Variants in GRM1 observed in about 807,000 individuals in gnomAD.
The protein encoded by GRM1 is metabotropic glutamate receptor 1.
Under a neutral mutation model 90.9 loss-of-function variants are expected in GRM1, and 33 were observed. That is an observed-to-expected ratio of 0.36 (90% CI 0.28 to 0.49). The LOEUF (loss-of-function observed/expected upper bound fraction) is 0.49, where lower values mean the gene tolerates loss of function less well. Ranked by LOEUF, GRM1 falls within the 20% of genes least tolerant of loss-of-function variation. GRM1 has a pLI of 0.99. For synonymous variants in GRM1, 700 were observed against 613.2 expected (o/e 1.14, Z -2.09); for missense variants, 1,190 against 1,534.3 (o/e 0.78, Z 3.75).
chr6:146,412,344 G>A (rs1468252957), intron 7 of GRM1, among the ~76,000 whole-genome samples: 1 of 152,164 alleles, frequency 6.6e-6, no homozygotes, highest in Non-Finnish European at 1.5e-5. Flanking sequence ...ACAACAGCAA[G>A]ACCGAGAGCC....
chr6:146,211,759 T>C (rs1562531754), intron 2 of GRM1, among the ~76,000 whole-genome samples: 1 of 152,266 alleles, frequency 6.6e-6, no homozygotes, highest in Non-Finnish European at 1.5e-5. Flanking sequence ...TAATCTTTTT[T>C]CTAAATGTTA....
intron 1 of GRM1, among the ~76,000 whole-genome samples, chr6:146,133,302 G>C (rs1583049308): frequency 6.6e-6 from 1 of 152,148 alleles, no homozygotes; most frequent in Admixed American, 6.5e-5. Flanking sequence ...CAGAAATAAT[G>C]TCTCTTTTCT....
intron 2 of GRM1, among the ~76,000 whole-genome samples, chr6:146,291,339 T>C (rs1446148674): frequency 6.6e-6 from 1 of 151,256 alleles, no homozygotes; most frequent in Non-Finnish European, 1.5e-5. Context: ...TTGATAAATA[T>C]ATCTTTTTGA....
intron 2 of GRM1, among the ~76,000 whole-genome samples, chr6:146,192,988 T>C (rs1778981777): frequency 1.3e-5 from 2 of 152,118 alleles, no homozygotes; most frequent in South Asian, 4.1e-4. Context: ...ATAGAGTTCA[T>C]GGTAGAGGCA....
intron 7 of GRM1, among the ~76,000 whole-genome samples, chr6:146,402,980 A>G (rs899949360): frequency 6.6e-6 from 1 of 152,140 alleles, no homozygotes; most frequent in Admixed American, 6.6e-5. Flanking sequence ...CTGGGAGATC[A>G]GCTGAAGTTA....
intron 3 of GRM1, among the ~76,000 whole-genome samples, chr6:146,312,349 CAAAAA>C (rs1166008558): frequency 4.7e-5 from 1 of 21,338 alleles, no homozygotes; most frequent in South Asian, 3.6e-3. Context: ...AACTCCGTCT[CAAAAA>C]AAAAAAAAAA....
intron 1 of GRM1, among the ~76,000 whole-genome samples, chr6:146,104,846 C>A (rs371376251): frequency 3.5e-4 from 53 of 152,310 alleles, no homozygotes; most frequent in African/African-American, 1.1e-3. Context: ...AAAGTTAGAT[C>A]TTCTACAAAG....
chr6:146,243,387 T>G (rs1279286297), intron 2 of GRM1, among the ~76,000 whole-genome samples: 1 of 151,988 alleles, frequency 6.6e-6, no homozygotes, highest in Non-Finnish European at 1.5e-5. Flanking sequence ...ACCAGAGGAG[T>G]AACAGAATCC....
At chr6:146,147,438 A>G (rs1777155881) in intron 1 of GRM1, among the ~76,000 whole-genome samples, 1 of 152,220 alleles carries the variant, frequency 6.6e-6, no homozygotes, top group Non-Finnish European at 1.5e-5. Context: ...TAATTAAGAC[A>G]TAAGGTCTCC....
At chr6:146,293,012 G>T (rs1783043092) in intron 2 of GRM1, among the ~76,000 whole-genome samples, 1 of 151,908 alleles carries the variant, frequency 6.6e-6, no homozygotes, top group Non-Finnish European at 1.5e-5. Flanking sequence ...AAAGAAGCTG[G>T]ATGCAAAAGT....
At chr6:146,123,531 T>G (rs1776083925) in intron 1 of GRM1, among the ~76,000 whole-genome samples, 1 of 152,224 alleles carries the variant, frequency 6.6e-6, no homozygotes, top group Non-Finnish European at 1.5e-5. Context: ...TTTTCTATGG[T>G]AGAGTCTCCA....
chr6:146,241,999 G>A (rs925824407), intron 2 of GRM1, among the ~76,000 whole-genome samples: 2 of 152,058 alleles, frequency 1.3e-5, no homozygotes, highest in African/African-American at 4.8e-5. Context: ...AATATCAAAA[G>A]GACACAAGGA....
chr6:146,233,982 A>G (rs950948508), intron 2 of GRM1, among the ~76,000 whole-genome samples: 1 of 152,078 alleles, frequency 6.6e-6, no homozygotes, highest in African/African-American at 2.4e-5. Context: ...AGGTTCTATT[A>G]TTAGATCCAT....
At chr6:146,075,123 C>A (rs1041381718) in intron 1 of GRM1, among the ~76,000 whole-genome samples, 2 of 151,924 alleles carry the variant, frequency 1.3e-5, no homozygotes, top group African/African-American at 4.8e-5. Context: ...AGTGTTCCAT[C>A]AAAAAGAATT....
chr6:146,087,395 T>TA (rs1447267543), intron 1 of GRM1, among the ~76,000 whole-genome samples: 1 of 152,110 alleles, frequency 6.6e-6, no homozygotes. Flanking sequence ...TTGGCGTTGG[T>TA]AAAATCCATA....
chr6:146,306,920 T>C (rs1259970472), intron 3 of GRM1, among the ~76,000 whole-genome samples: 1 of 152,180 alleles, frequency 6.6e-6, no homozygotes, highest in Non-Finnish European at 1.5e-5. Context: ...AAGAGGCTGA[T>C]TTTGGATAAA....
intron 3 of GRM1, among the ~76,000 whole-genome samples, chr6:146,315,774 T>C (rs1050802473): frequency 2.6e-5 from 4 of 152,206 alleles, no homozygotes; most frequent in African/African-American, 9.6e-5. Flanking sequence ...GAGAGCCTGC[T>C]AAGGTTTTGG....
intron 2 of GRM1, among the ~76,000 whole-genome samples, chr6:146,251,587 G>A (rs1353767177): frequency 2.0e-5 from 3 of 152,220 alleles, no homozygotes; most frequent in Admixed American, 6.5e-5. Context: ...AGCAGATGCT[G>A]TGTTTCACAG....
intron 1 of GRM1, among the ~76,000 whole-genome samples, chr6:146,087,592 T>C (rs1417767890): frequency 6.6e-6 from 1 of 152,132 alleles, no homozygotes; most frequent in African/African-American, 2.4e-5. Context: ...ACACCCACAC[T>C]CTCCACGCTT....
Sources: gnomAD v4.1 joint callset for allele counts (sites outside exome capture counted in the v4.1 genomes callset) on GRCh38, gnomAD v4.1.1 for gene constraint, MANE v1.5 for transcripts, NCBI Gene and HGNC (gene_info 2026-07-23, HGNC 2026-07-21) for gene names.